The following STK3 variants were observed in gnomAD, a reference collection of about 807,000 sequenced individuals.
The protein encoded by STK3 is serine/threonine-protein kinase 3.
STK3 carries 41 observed loss-of-function variants against 58.0 expected under a neutral mutation model. The ratio of observed to expected loss-of-function variants is 0.71; its 90% CI spans 0.55 to 0.92. The LOEUF is 0.92. Ranked by LOEUF, STK3 falls within the 40% of genes least tolerant of loss-of-function variation. STK3 has a pLI of 0.00. For missense variants in STK3, 479 were observed against 602.7 expected, an observed-to-expected ratio of 0.79 and a Z score of 2.15; for synonymous variants, 170 against 191.0, an observed-to-expected ratio of 0.89 and a Z score of 0.91.
intron 1 of STK3, among the ~76,000 whole-genome samples, chr8:98,910,601 A>G (rs908172958): frequency 2.6e-5 from 4 of 152,222 alleles, no homozygotes; most frequent in Non-Finnish European, 5.9e-5. Context: ...TATTGGATAT[A>G]TGTGGTACAT....
intron 6 of STK3, among the ~76,000 whole-genome samples, chr8:98,613,203 G>A (rs967215826): frequency 1.3e-5 from 2 of 152,162 alleles, no homozygotes; most frequent in African/African-American, 4.8e-5. Flanking sequence ...TGGCAGTGAT[G>A]AGCTCCCTTC....
chr8:98,711,183 GA>G (rs1249729697), intron 4 of STK3, among the ~76,000 whole-genome samples: 1 of 152,104 alleles, frequency 6.6e-6, no homozygotes, highest in Non-Finnish European at 1.5e-5. Context: ...CAAAGATGCA[GA>G]AAAAACAGAG....
intron 1 of STK3, among the ~76,000 whole-genome samples, chr8:98,903,556 C>CTTTTTTTTTTTTTCCTCTTCTTCTT (rs200556218): frequency 2.0e-5 from 1 of 50,502 alleles, no homozygotes; most frequent in Admixed American, 2.6e-4. Context: ...TCTTCTTCTT[C>CTTTTTTTTTTTTTCCTCTTCTTCTT]CTTTTTTTTT....
At chr8:98,893,484 AAGAG>A (rs10584856) in intron 1 of STK3, among the ~76,000 whole-genome samples, 2 of 43,578 alleles carry the variant, frequency 4.6e-5, no homozygotes, top group Admixed American at 2.4e-4. Flanking sequence ...GAAAGAAAGA[AAGAG>A]AAAGAAAGAA....
chr8:98,939,233 G>A (rs1375663075), intron 1 of STK3, among the ~76,000 whole-genome samples: 3 of 152,236 alleles, frequency 2.0e-5, no homozygotes, highest in Non-Finnish European at 2.9e-5. Context: ...GAGGAGGAGA[G>A]AGAGCACGCG....
At chr8:98,498,119 T>C (rs1185164373) in intron 10 of STK3, among the ~76,000 whole-genome samples, 1 of 152,152 alleles carries the variant, frequency 6.6e-6, no homozygotes, top group Non-Finnish European at 1.5e-5. Flanking sequence ...AATTGATGGA[T>C]ATCTGGGTTG....
intron 3 of STK3, among the ~76,000 whole-genome samples, chr8:98,763,660 T>C (rs549906722): frequency 6.6e-6 from 1 of 152,134 alleles, no homozygotes; most frequent in East Asian, 1.9e-4. Context: ...CATTTCCTAA[T>C]TGTTTTTCTT....
chr8:98,351,070 A>G, the STK3 span, among the ~76,000 whole-genome samples: 2 of 152,334 alleles, frequency 1.3e-5, no homozygotes, highest in African/African-American at 2.4e-5. Context: ...AAGACAGAAA[A>G]TGTGAGCCCA....
At chr8:98,750,528 G>A (rs530202641) in intron 3 of STK3, among the ~76,000 whole-genome samples, 1 of 151,382 alleles carries the variant, frequency 6.6e-6, no homozygotes, top group African/African-American at 2.4e-5. Context: ...TGGAGGTTAA[G>A]AGAAGACTGT....
intron 4 of STK3, among the ~76,000 whole-genome samples, chr8:98,723,642 T>C (rs988574287): frequency 1.3e-5 from 2 of 152,202 alleles, no homozygotes; most frequent in African/African-American, 4.8e-5. Context: ...TTGGACATAA[T>C]TACTTATGCA....
At position 98,701,383 on chromosome 8, in the gene STK3, C is replaced by T. The variant is rs190215288; in HGVS notation, c.684+5084G>A. On this transcript the variant is annotated intron_variant, in intron 6 of 10. Coordinates refer to ENST00000419617, the MANE Select transcript of STK3 (RefSeq NM_006281.4). ...CTATAATCCCAGTACTTTGGGAGAC[C>T]GAGGCAGGTGGATCACTTGAGGTCA... 4.7e-3 allele frequency among the ~76,000 whole-genome samples: 709 copies of T among 152,040 alleles called. 4 individuals carry two copies. The highest frequency in any genetic ancestry group is 0.02 in the Middle Eastern group (6 of 294).
intron 3 of STK3, among the ~76,000 whole-genome samples, chr8:98,855,237 A>C (rs1836625978): frequency 6.6e-6 from 1 of 152,224 alleles, no homozygotes; most frequent in Non-Finnish European, 1.5e-5. Context: ...AAAGAAGAAT[A>C]AAGTAGGAAG....
chr8:98,613,246 A>G (rs1279539803), intron 6 of STK3, among the ~76,000 whole-genome samples: 1 of 152,216 alleles, frequency 6.6e-6, no homozygotes, highest in Admixed American at 6.5e-5. Flanking sequence ...ACATTCACCT[A>G]AAACAGAAGG....
chr8:98,657,483 G>C (rs1024062139), intron 6 of STK3, among the ~76,000 whole-genome samples: 29 of 151,928 alleles, frequency 1.9e-4, no homozygotes, highest in Non-Finnish European at 4.1e-4. Flanking sequence ...GACCCATAGG[G>C]TTATATGGAA....
the STK3 span, among the ~76,000 whole-genome samples, chr8:98,351,366 G>A: frequency 7.9e-5 from 12 of 152,138 alleles, no homozygotes; most frequent in Non-Finnish European, 1.6e-4. Flanking sequence ...GGGGTGGATC[G>A]AGAGATCTTA....
rs1310365256 is a variant in STK3 at position 98,914,490 on chromosome 8, ACACT to A, written c.-79+27884_-79+27887del. On this transcript the variant is annotated intron_variant, in intron 1 of 1. Coordinates refer to the STK3 transcript ENST00000519420. ...CACACACACACACACACACACACAC[ACACT>A]CTCTCTCTCTCTCTCTTCACTCTTA... 3.2e-3 allele frequency among the ~76,000 whole-genome samples: 389 copies of A among 123,090 alleles called. 1 individual carries two copies. The highest frequency in any genetic ancestry group is 7.9e-3 in the Admixed American group (103 of 13,082). The allele number at this position is 123,090 out of a possible 152,430, so 80.8% of individuals were successfully genotyped here. A position where few individuals can be genotyped will look rare whatever the true frequency, so the allele number is the denominator to read the frequency against.
chr8:98,851,694 C>A lies in STK3; in HGVS notation c.110+31953G>T, dbSNP rs1836474898. On this transcript the variant is annotated intron_variant, in intron 3 of 12. Transcript: ENST00000523601. The stretch of plus-strand genomic sequence containing the variant: ...AAAAAGGAGGGGTAGGGCATGGTGG[C>A]TTATGCCTATAATCCCAACACTGTG... 2.0e-5 allele frequency among the ~76,000 whole-genome samples: 3 copies of A among 152,178 alleles called. No homozygotes were observed. The South Asian group carries it at 6.2e-4, about 32-fold the overall frequency.
chr8:98,767,751 A>G (rs1045138814), intron 2 of STK3, among the ~76,000 whole-genome samples: 2 of 152,206 alleles, frequency 1.3e-5, no homozygotes, highest in Admixed American at 6.5e-5. Context: ...CTCAAGGAAA[A>G]TGACCCCCAG....
chr8:98,387,596 A>G (rs1262351422), intron 1 of STK3, among the ~76,000 whole-genome samples: 1 of 152,164 alleles, frequency 6.6e-6, no homozygotes, highest in African/African-American at 2.4e-5. Flanking sequence ...TAAAAATACA[A>G]AATTAGCCAG....
Sources: allele counts gnomAD v4.1 joint callset (sites outside exome capture counted in the v4.1 genomes callset), GRCh38; gene constraint gnomAD v4.1.1; transcripts MANE v1.5; gene names NCBI Gene and HGNC (gene_info 2026-07-23, HGNC 2026-07-21).